SNTG2: variants seen among roughly 807,000 people sequenced by gnomAD.
SNTG2 encodes the protein syntrophin gamma 2, also known as gamma-2-syntrophin.
In SNTG2, 74 loss-of-function variants were observed where a neutral mutation model predicts 70.9. The observed-to-expected ratio is 1.04, with a 90% CI of 0.86 to 1.27. The LOEUF (loss-of-function observed/expected upper bound fraction) is 1.27, where lower values mean the gene tolerates loss of function less well. SNTG2 is among the 50% of genes most tolerant of loss of function. The pLI, the probability that SNTG2 is intolerant of heterozygous loss-of-function variation, is 0.00. For synonymous variants in SNTG2, 278 were observed against 273.8 expected (o/e 1.02, Z -0.15); for missense variants, 717 against 690.7 (o/e 1.04, Z -0.43).
intron 16 of SNTG2, among the ~76,000 whole-genome samples, chr2:1,334,556 C>T (rs55950968): frequency 0.25 from 37,886 of 152,100 alleles, 4,989 homozygotes; most frequent in Middle Eastern, 0.37. Context: ...GCCCATCCAC[C>T]AATGAGTAGA....
Position 1,014,609 on chromosome 2 carries a change from G to T in SNTG2, c.72+63541G>T, listed in dbSNP as rs56231730. Reference sequence around the variant, plus strand: ...TATGGGCAGAGAGAAGGGTGGTCTGGAGAGGGATTTATAAGGACAGAGAGA... The same window carrying T: ...TATGGGCAGAGAGAAGGGTGGTCTGTAGAGGGATTTATAAGGACAGAGAGA... On this transcript the variant is annotated intron_variant, in intron 1 of 16. Coordinates refer to ENST00000308624, the MANE Select transcript of SNTG2 (RefSeq NM_018968.4). Among the ~76,000 whole-genome samples the T allele has an allele frequency of 4.2e-3, 334 of 79,960 alleles. 9 individuals carry two copies. The East Asian group carries it at 0.061, about 14-fold the overall frequency. The allele number at this position is 79,960 out of a possible 152,430, so 52.5% of individuals were successfully genotyped here.
chr2:1,110,405 TTC>T (rs1419032597), intron 4 of SNTG2, among the ~76,000 whole-genome samples: 15 of 152,188 alleles, frequency 9.9e-5, no homozygotes, highest in African/African-American at 2.4e-4. Context: ...TGTGATTAAT[TTC>T]TTTCTGTGTT....
At chr2:992,568 A>G (rs1271920074) in intron 1 of SNTG2, among the ~76,000 whole-genome samples, 1 of 152,196 alleles carries the variant, frequency 6.6e-6, no homozygotes, top group Admixed American at 6.5e-5. Context: ...ACCCAAATCT[A>G]CCTTCTCTCA....
At chr2:1,236,235 T>C (rs1207821599) in intron 9 of SNTG2, among the ~76,000 whole-genome samples, 1 of 152,230 alleles carries the variant, frequency 6.6e-6, no homozygotes, top group Non-Finnish European at 1.5e-5. Context: ...CAATATTTAA[T>C]AAGCACCTAA....
At chr2:1,251,424 A>G (rs1677748689) in intron 12 of SNTG2, among the ~76,000 whole-genome samples, 1 of 147,950 alleles carries the variant, frequency 6.8e-6, no homozygotes, top group East Asian at 1.9e-4. Flanking sequence ...ACACACATGC[A>G]CACACCACAC....
chr2:1,155,077 C>T (rs1220753517), intron 6 of SNTG2, among the ~76,000 whole-genome samples: 6 of 150,168 alleles, frequency 4.0e-5, no homozygotes, highest in South Asian at 2.1e-4. Flanking sequence ...ACACACACAG[C>T]ACACACACCA....
At chr2:1,044,064 T>G (rs998850564) in intron 1 of SNTG2, among the ~76,000 whole-genome samples, 1 of 152,162 alleles carries the variant, frequency 6.6e-6, no homozygotes, top group Non-Finnish European at 1.5e-5. Context: ...TTTATTTGTT[T>G]GGGTCATCTC....
At chr2:1,249,088 C>T (rs183276867) in intron 12 of SNTG2, among the ~76,000 whole-genome samples, 301 of 152,204 alleles carry the variant, frequency 2.0e-3, no homozygotes, top group Non-Finnish European at 3.0e-3. Flanking sequence ...TGCTAACGTG[C>T]GTAAACTCCT....
At chr2:1,091,528 G>T (rs1173340388) in intron 2 of SNTG2, among the ~76,000 whole-genome samples, 1 of 152,192 alleles carries the variant, frequency 6.6e-6, no homozygotes, top group Non-Finnish European at 1.5e-5. Context: ...CCTGGTTCCT[G>T]ACTGCAGCTC....
chr2:1,265,469 G>A (rs1447608610), intron 13 of SNTG2, among the ~76,000 whole-genome samples: 2 of 152,148 alleles, frequency 1.3e-5, no homozygotes, highest in South Asian at 4.1e-4. Flanking sequence ...GGCATTTGAT[G>A]TCTGGATGAT....
intron 1 of SNTG2, among the ~76,000 whole-genome samples, chr2:955,723 G>A (rs1284745391): frequency 1.3e-5 from 2 of 152,182 alleles, no homozygotes; most frequent in Non-Finnish European, 1.5e-5. Flanking sequence ...TTCGTTGAGC[G>A]GGTGTTTAGA....
In SNTG2 at chr2:1,247,327, G is replaced by T; in HGVS notation, c.889G>T (p.Val297Phe). The change falls in exon 12 of 17, where the codon GTT (valine) becomes TTT (phenylalanine). Residue 297 changes from valine to phenylalanine, a missense_variant and splice_region_variant. Physicochemically the swap from Val to Phe is conservative, Grantham distance 50. Coordinates refer to ENST00000308624, the MANE Select transcript of SNTG2 (RefSeq NM_018968.4). ...ANKCCSPSDQ[V>F]VHMGWVNEKL... ...GTTTGTAATTTTCACCCCTCTGCAG[G>T]TTGTGCATATGGGGTGGGTAAATGA... The T allele has an allele frequency of 6.5e-7, 1 of 1,532,752 alleles. No homozygotes were observed. Among genetic ancestry groups the T allele is most frequent in the Non-Finnish European group, 9.0e-7 (1 of 1,116,792 alleles). The allele number at this position is 1,532,752 out of a possible 1,614,324, so 94.9% of individuals were successfully genotyped here. A position where few individuals can be genotyped will look rare whatever the true frequency, so the allele number is the denominator to read the frequency against.
intron 1 of SNTG2, among the ~76,000 whole-genome samples, chr2:1,024,883 C>G (rs920958597): frequency 6.6e-6 from 1 of 152,102 alleles, no homozygotes; most frequent in Non-Finnish European, 1.5e-5. Context: ...AAAAAGAAAG[C>G]AGAAACTAAT....
intron 4 of SNTG2, among the ~76,000 whole-genome samples, chr2:1,128,190 T>A (rs990430406): frequency 6.6e-6 from 1 of 152,302 alleles, no homozygotes; most frequent in East Asian, 1.9e-4. Flanking sequence ...CTGAATCTAT[T>A]TAGATGATCA....
At chr2:1,144,614 C>G (rs541786015) in intron 6 of SNTG2, among the ~76,000 whole-genome samples, 2 of 152,298 alleles carry the variant, frequency 1.3e-5, no homozygotes, top group South Asian at 4.1e-4. Context: ...GCCTCAGAAT[C>G]ATGGTGGAAG....
chr2:1,363,607 G>A (rs937521594), intron 16 of SNTG2, among the ~76,000 whole-genome samples: 5 of 152,252 alleles, frequency 3.3e-5, no homozygotes, highest in Admixed American at 1.3e-4. Flanking sequence ...GGAGTGCAGC[G>A]AGGGATCCAT....
intron 1 of SNTG2, among the ~76,000 whole-genome samples, chr2:1,034,870 T>A (rs1200896486): frequency 2.6e-5 from 4 of 152,206 alleles, no homozygotes; most frequent in Non-Finnish European, 4.4e-5. Flanking sequence ...AAAATGGATC[T>A]GATGGACCTC....
At chr2:965,349 G>GTCCTCCTCCTGGTCCCCAA (rs1311214297) in intron 1 of SNTG2, among the ~76,000 whole-genome samples, 10 of 89,350 alleles carry the variant, frequency 1.1e-4, no homozygotes, top group East Asian at 8.4e-4. Flanking sequence ...CTGGTCCCCA[G>GTCCTCCTCCTGGTCCCCAA]TCCTCCTCCT....
intron 14 of SNTG2, among the ~76,000 whole-genome samples, chr2:1,291,768 C>A (rs1680003301): frequency 6.6e-6 from 1 of 152,140 alleles, no homozygotes. Context: ...GTTTTGAAAT[C>A]AGGGATTGTG....
Sources: gnomAD v4.1 joint callset for allele counts (sites outside exome capture counted in the v4.1 genomes callset) on GRCh38, gnomAD v4.1.1 for gene constraint, MANE v1.5 for transcripts, NCBI Gene and HGNC (gene_info 2026-07-23, HGNC 2026-07-21) for gene names.